MCFD2: variants seen among roughly 807,000 people sequenced by gnomAD.
MCFD2 encodes multiple coagulation factor deficiency 2, ER cargo receptor complex subunit, also known as multiple coagulation factor deficiency protein 2.
In MCFD2, 11 loss-of-function variants were observed where a neutral mutation model predicts 12.8. That is an observed-to-expected ratio of 0.86 (90% CI 0.54 to 1.42). The LOEUF is 1.42. Among genes scored for constraint, MCFD2 ranks in the 40% most tolerant of loss-of-function variants. MCFD2 has a pLI of 0.00. For missense variants in MCFD2, 191 were observed against 178.6 expected, an observed-to-expected ratio of 1.07 and a Z score of -0.40; for synonymous variants, 70 against 68.1, an observed-to-expected ratio of 1.03 and a Z score of -0.14.
intron 1 of MCFD2, among the ~76,000 whole-genome samples, chr2:46,922,093 A>G (rs1472769385): frequency 1.3e-5 from 2 of 152,216 alleles, no homozygotes; most frequent in South Asian, 2.1e-4. Flanking sequence ...GGCATCCAGC[A>G]AAGAGTCTAG....
chr2:46,904,216 CCCTCTCAGCGGCAGGGGAGAGAA>C lies in MCFD2; in HGVS notation c.*1224_*1246del, dbSNP rs1205262214. ...GCAAACGTTTGCTGCAGGGGAGAGG[CCCTCTCAGCGGCAGGGGAGAGAA>C]CCTCTGCTAGGGCAGTGCAGAAGGG... On this transcript the variant is annotated 3_prime_UTR_variant, in exon 4 of 4. Coordinates refer to ENST00000319466, the MANE Select transcript of MCFD2 (RefSeq NM_139279.6). 2 of 132,218 alleles carry C rather than the reference CCCTCTCAGCGGCAGGGGAGAGAA, an allele frequency of 1.5e-5. No homozygotes were observed. The highest frequency in any genetic ancestry group is 2.3e-4 in the East Asian group (1 of 4,264). 8.2% of individuals were successfully genotyped at this position (132,218 alleles called of 1,614,324 possible).
intron 1 of MCFD2, among the ~76,000 whole-genome samples, chr2:46,922,666 C>T (rs1235629583): frequency 1.3e-5 from 2 of 151,972 alleles, no homozygotes; most frequent in East Asian, 3.9e-4. Context: ...GTAGAAACCA[C>T]TCAGAGTTTC....
chr2:46,905,498 T>G lies in MCFD2; in HGVS notation c.406A>C (p.Ile136Leu). 6.2e-7 allele frequency: 1 copy of G among 1,613,200 alleles called. No homozygotes were observed. The change falls in exon 4 of 4, where the codon ATT becomes CTT. Residue 136 changes from isoleucine (I) to leucine (L), a missense_variant. Physicochemically the swap from Ile to Leu is conservative, Grantham distance 5. Transcript: ENST00000319466. ...GATTTTGCAAATTCAGCATAGTCAA[T>G]GTATCCATCATTGTTCTTGTCATCA... ...RDDDKNNDGY[I>L]DYAEFAKSLQ
intron 1 of MCFD2, among the ~76,000 whole-genome samples, chr2:46,934,887 G>A (rs1330178179): frequency 7.8e-6 from 1 of 128,702 alleles, no homozygotes; most frequent in African/African-American, 3.0e-5. Context: ...TGCAACCTCC[G>A]CCTCCCGGGT....
intron 1 of MCFD2, among the ~76,000 whole-genome samples, chr2:46,911,167 C>T (rs1000884499): frequency 6.6e-5 from 10 of 152,148 alleles, no homozygotes; most frequent in African/African-American, 9.6e-5. Context: ...CTTGTTCTTT[C>T]GCCAGGCTGG....
chr2:46,905,592 T>C lies in MCFD2; in HGVS notation c.312A>G (p.Glu104=). The C allele has an allele frequency of 3.1e-6, 5 of 1,613,234 alleles. No homozygotes were observed. Among genetic ancestry groups the C allele is most frequent in the Middle Eastern group, 1.7e-4 (1 of 6,056 alleles). The change falls in exon 4 of 4, where the codon GAA becomes GAG. Residue 104 remains glutamate (E), a splice_region_variant and synonymous_variant. Coordinates refer to ENST00000319466, the MANE Select transcript of MCFD2 (RefSeq NM_139279.6). The part of the protein sequence containing the change: ...STAITHVHKE[E]GSEQAPLMSE... ...TCATTAGTGGTGCCTGTTCACTCCC[T>C]TCCTACAAAATACAAATTAGACAAT...
rs1670355756 is a variant in MCFD2, at chr2:46,941,395, G to A, written c.-8+177C>T. On this transcript the variant is annotated intron_variant, in intron 1 of 2. Coordinates refer to the MCFD2 transcript ENST00000409147. The surrounding 1 kb of genome is among the most constrained non-coding windows in gnomAD (Gnocchi z 4.2). ...CTGCTGCTGCTGCTGCCCACCCTCCGCCGCCCGGGCCCCCGCTGCCGCCCG... is the reference window on the plus strand; with the variant it reads ...CTGCTGCTGCTGCTGCCCACCCTCCACCGCCCGGGCCCCCGCTGCCGCCCG... 1.3e-5 allele frequency: 8 copies of A among 625,846 alleles called. No homozygotes were observed. Among genetic ancestry groups the A allele is most frequent in the Non-Finnish European group, 1.7e-5 (8 of 470,572 alleles). The allele number at this position is 625,846 out of a possible 1,614,324, so 38.8% of individuals were successfully genotyped here. A position where few individuals can be genotyped will look rare whatever the true frequency, so the allele number is the denominator to read the frequency against.
chr2:46,940,753 G>A lies in MCFD2; in HGVS notation c.-8+819C>T, dbSNP rs114473004. Among the ~76,000 whole-genome samples the A allele has an allele frequency of 1.3e-5, 2 of 152,216 alleles. No homozygotes were observed. Among genetic ancestry groups the A allele is most frequent in the African/African-American group, 4.8e-5 (2 of 41,466 alleles). ...GAGTCGCGGGCCTGGGAACGGGCCT[G>A]GGTCCTCGCGAGCATGCCTGGCCCG... On this transcript the variant is annotated intron_variant, in intron 1 of 2. Coordinates refer to the MCFD2 transcript ENST00000409147. This position sits in a 1 kb window ranked among gnomAD's most constrained non-coding sequence, Gnocchi z 4.7.
rs148901183 is a variant in MCFD2, at chr2:46,929,707, T to C, written c.-8+11865A>G. ...AAGATTGAAAATTAATGAGCTGAGA[T>C]TGAATTGCAAAAAGCCAGAAAAATA... On this transcript the variant is annotated intron_variant, in intron 1 of 2. Transcript: ENST00000409147. Among the ~76,000 whole-genome samples, 18 of 152,210 alleles carry C rather than the reference T, an allele frequency of 1.2e-4. No homozygotes were observed. The East Asian group carries it at 2.9e-3, about 24-fold the overall frequency.
At position 46,905,276 on chromosome 2, in the gene MCFD2, T is replaced by TA; in HGVS notation, c.*186dup. ...GTATTTAATAGCACTTAGGGACTAT[T>TA]AGATGTCCCATTTCTCTTCTCTTTC... On this transcript the variant is annotated 3_prime_UTR_variant, in exon 4 of 4. Coordinates refer to ENST00000319466, the MANE Select transcript of MCFD2 (RefSeq NM_139279.6). 1 of 661,972 alleles carries TA rather than the reference T, an allele frequency of 1.5e-6. No individual in the cohort carries two copies. The highest frequency in any genetic ancestry group is 2.9e-5 in the East Asian group (1 of 35,054). The allele number at this position is 661,972 out of a possible 1,614,324, so 41.0% of individuals were successfully genotyped here. A position where few individuals can be genotyped will look rare whatever the true frequency, so the allele number is the denominator to read the frequency against.
chr2:46,918,830 T>C (rs1437442841), upstream of MCFD2, among the ~76,000 whole-genome samples: 1 of 152,190 alleles, frequency 6.6e-6, no homozygotes, highest in African/African-American at 2.4e-5. Flanking sequence ...CAACTCTACG[T>C]TGGAAATAAC....
upstream of MCFD2, among the ~76,000 whole-genome samples, chr2:46,919,698 A>T (rs1668999206): frequency 6.6e-6 from 1 of 152,230 alleles, no homozygotes; most frequent in Non-Finnish European, 1.5e-5. Flanking sequence ...GAACCCTGGA[A>T]TTCCTTCTAA....
Position 46,903,539 on chromosome 2 carries a change from A to G in MCFD2, c.*1924T>C, listed in dbSNP as rs6715391. 0.064 allele frequency: 9,687 copies of G among 152,344 alleles called. 559 individuals carry two copies. The highest frequency in any genetic ancestry group is 0.14 in the African/African-American group (5,870 of 41,556). The allele number at this position is 152,344 out of a possible 1,614,324, so 9.4% of individuals were successfully genotyped here. A position where few individuals can be genotyped will look rare whatever the true frequency, so the allele number is the denominator to read the frequency against. On this transcript the variant is annotated 3_prime_UTR_variant, in exon 4 of 4. Transcript: ENST00000319466. ...GGCTTTGCCCCAAATGCTGATAGCAATATGGACAACAAAGTCCAGGCTGAG... is the reference window on the plus strand; with the variant it reads ...GGCTTTGCCCCAAATGCTGATAGCAGTATGGACAACAAAGTCCAGGCTGAG...
upstream of MCFD2, among the ~76,000 whole-genome samples, chr2:46,917,637 C>T (rs1558469895): frequency 6.6e-6 from 1 of 152,160 alleles, no homozygotes; most frequent in Non-Finnish European, 1.5e-5. Flanking sequence ...TGTGTTATGT[C>T]TCTCTTGAAT....
chr2:46,922,683 T>C (rs1669167478), intron 1 of MCFD2, among the ~76,000 whole-genome samples: 1 of 151,824 alleles, frequency 6.6e-6, no homozygotes, highest in Non-Finnish European at 1.5e-5. Flanking sequence ...TTTCTCCCAT[T>C]CTCTCACTCA....
At chr2:46,921,399 T>A (rs1669095611) in intron 1 of MCFD2, among the ~76,000 whole-genome samples, 1 of 152,220 alleles carries the variant, frequency 6.6e-6, no homozygotes, top group South Asian at 2.1e-4. Flanking sequence ...AATACCATTA[T>A]AATAGCATCC....
rs1166611008 is a variant in MCFD2 at position 46,904,986 on chromosome 2, T to C, written c.*477A>G. The C allele has an allele frequency of 2.1e-5, 5 of 240,118 alleles. No homozygotes were observed. The highest frequency in any genetic ancestry group is 4.1e-5 in the Non-Finnish European group (5 of 120,964). 14.9% of individuals were successfully genotyped at this position (240,118 alleles called of 1,614,324 possible). On this transcript the variant is annotated 3_prime_UTR_variant, in exon 4 of 4. Transcript: ENST00000319466. ...GTAATTGAATCATGGGGGCCAGTCTTTCCCATGCTATTCTTGTGATAGTGA... is the reference window on the plus strand; with the variant it reads ...GTAATTGAATCATGGGGGCCAGTCTCTCCCATGCTATTCTTGTGATAGTGA...
chr2:46,937,030 A>AT lies in MCFD2; in HGVS notation c.-8+4541dup, dbSNP rs934370479. 5.3e-5 allele frequency among the ~76,000 whole-genome samples: 8 copies of AT among 151,908 alleles called. No individual in the cohort carries two copies. Among genetic ancestry groups the AT allele is most frequent in the African/African-American group, 1.9e-4 (8 of 41,444 alleles). ...CCCACCATGCCAGGCTAATTTTTGT[A>AT]TTTTTTGTAGAGATGGGTTTTTGCC... On this transcript the variant is annotated intron_variant, in intron 1 of 2. Transcript: ENST00000409147. The surrounding 1 kb of genome is among the most constrained non-coding windows in gnomAD (Gnocchi z 4.0).
At chr2:46,917,378 G>C, upstream of MCFD2, 1 of 584,558 alleles carries the variant, frequency 1.7e-6, no homozygotes, top group Non-Finnish European at 3.0e-6. Flanking sequence ...GGATTAGTTT[G>C]ATCTAGTTCC....
Sources: gnomAD v4.1 joint callset for allele counts (sites outside exome capture counted in the v4.1 genomes callset) on GRCh38, gnomAD v4.1.1 for gene constraint, Gnocchi (gnomAD v3.1) non-coding constraint, MANE v1.5 for transcripts, NCBI Gene and HGNC (gene_info 2026-07-23, HGNC 2026-07-21) for gene names.